ASPH: variants seen among roughly 807,000 people sequenced by gnomAD.
The protein encoded by ASPH is aspartyl/asparaginyl beta-hydroxylase.
Under a neutral mutation model 118.4 loss-of-function variants are expected in ASPH, and 100 were observed. The ratio of observed to expected loss-of-function variants is 0.84; its 90% CI spans 0.72 to 1.00. ASPH has a LOEUF of 1.00. Ranked by LOEUF, ASPH falls within the 50% of genes least tolerant of loss-of-function variation. ASPH has a pLI of 0.00. For synonymous variants in ASPH, 315 were observed against 325.6 expected (o/e 0.97, Z 0.35); for missense variants, 920 against 919.5 (o/e 1.00, Z -0.01).
chr8:61,526,179 T>C, intron 21 of ASPH, 67 bp from the exon 22 acceptor site: 1 of 1,578,122 alleles, frequency 6.3e-7, no homozygotes, highest in East Asian at 2.2e-5. Context: ...TAATGACTCT[T>C]GTTTTTTTTG....
At chr8:61,517,204 A>G (rs1811224004) in intron 24 of ASPH, 1 of 236,458 alleles carries the variant, frequency 4.2e-6, no homozygotes, top group Admixed American at 5.0e-5. Context: ...AGCACAATGC[A>G]TAACATCTGC....
intron 3 of ASPH, chr8:61,664,215 G>A: frequency 5.2e-6 from 5 of 968,582 alleles, no homozygotes; most frequent in Non-Finnish European, 3.7e-6. Flanking sequence ...TGTTTTCTAA[G>A]GTGCTAAATT....
intron 1 of ASPH, among the ~76,000 whole-genome samples, chr8:61,708,089 T>G (rs1473175808): frequency 1.3e-5 from 2 of 152,106 alleles, no homozygotes; most frequent in African/African-American, 4.8e-5. Flanking sequence ...GAGAGGAAAA[T>G]CTAGGAATCT....
At chr8:61,704,151 C>T (rs1205236688) in intron 1 of ASPH, among the ~76,000 whole-genome samples, 3 of 122,336 alleles carry the variant, frequency 2.5e-5, no homozygotes, top group Non-Finnish European at 3.2e-5. Context: ...GCCGAGATCC[C>T]GCCACTGCAC....
chr8:61,638,109 A>G, intron 11 of ASPH, 106 bp from the exon 12 acceptor site: 7 of 1,263,640 alleles, frequency 5.5e-6, no homozygotes, highest in Non-Finnish European at 7.7e-6. Flanking sequence ...GTGTCCACTC[A>G]GATTGCTAAA....
chr8:61,681,934 A>G (rs777103605), intron 2 of ASPH, among the ~76,000 whole-genome samples: 3 of 152,046 alleles, frequency 2.0e-5, no homozygotes, highest in Admixed American at 1.3e-4. Context: ...GAGAAACATA[A>G]TAATGTTAAT....
chr8:61,586,328 T>C (rs902733008), intron 14 of ASPH, among the ~76,000 whole-genome samples: 3 of 152,220 alleles, frequency 2.0e-5, no homozygotes, highest in African/African-American at 4.8e-5. Flanking sequence ...TCACGAAAAT[T>C]ATAAATCCAA....
Position 61,638,159 on chromosome 8 carries a change from T to C in ASPH, c.833-156A>G. 7 of 1,150,368 alleles carry C rather than the reference T, an allele frequency of 6.1e-6. No individual in the cohort carries two copies. The South Asian group carries it at 8.8e-5, about 14-fold the overall frequency. 71.3% of individuals were successfully genotyped at this position (1,150,368 alleles called of 1,614,324 possible). On this transcript the variant is annotated intron_variant, in intron 11 of 24. Coordinates refer to ENST00000379454, the MANE Select transcript of ASPH (RefSeq NM_004318.4). ...AACTGGGTCTTCTGCAGAGTATTTA[T>C]ATTAGAATATTAACTTTAATTTTGA... is the stretch of plus-strand genomic sequence containing the variant.
chr8:61,557,155 T>C (rs1828162642), intron 18 of ASPH, among the ~76,000 whole-genome samples: 2 of 152,200 alleles, frequency 1.3e-5, no homozygotes, highest in Non-Finnish European at 2.9e-5. Flanking sequence ...GCAGATCCTC[T>C]GCACACATGG....
rs146458870 is a variant in ASPH, at chr8:61,622,142, A to G, written c.935-3123T>C. 5.0e-3 allele frequency among the ~76,000 whole-genome samples: 754 copies of G among 152,302 alleles called. 8 individuals are homozygous for G. Among genetic ancestry groups the G allele is most frequent in the African/African-American group, 0.017 (704 of 41,560 alleles). ...ATCACAAGGTCAAGAGATCGAGACC[A>G]TCCTGGCCAACATGGTGAAACCCTG... On this transcript the variant is annotated intron_variant, in intron 13 of 24. Coordinates refer to ENST00000379454, the MANE Select transcript of ASPH (RefSeq NM_004318.4).
chr8:61,685,365 A>G (rs1322240433), intron 1 of ASPH, among the ~76,000 whole-genome samples: 1 of 152,182 alleles, frequency 6.6e-6, no homozygotes, highest in East Asian at 1.9e-4. Context: ...AGGAATAATT[A>G]TCTGTTTTAT....
At chr8:61,637,193 C>T (rs1189053438) in intron 12 of ASPH, among the ~76,000 whole-genome samples, 1 of 152,064 alleles carries the variant, frequency 6.6e-6, no homozygotes, top group Non-Finnish European at 1.5e-5. Flanking sequence ...AAAGCAGAGA[C>T]CCCATTCCCT....
chr8:61,655,098 T>G (rs1812955084), intron 3 of ASPH, among the ~76,000 whole-genome samples: 1 of 152,226 alleles, frequency 6.6e-6, no homozygotes, highest in African/African-American at 2.4e-5. Context: ...TCAAGTAATT[T>G]ATCTTTGCAC....
chr8:61,561,661 GC>G (rs1371818660), intron 18 of ASPH, among the ~76,000 whole-genome samples: 42 of 152,172 alleles, frequency 2.8e-4, no homozygotes, highest in African/African-American at 1.0e-3. Flanking sequence ...GATGACTTGT[GC>G]CTGTAATCCC....
intron 21 of ASPH, among the ~76,000 whole-genome samples, chr8:61,543,427 T>C (rs902852876): frequency 6.6e-6 from 1 of 152,220 alleles, no homozygotes; most frequent in Admixed American, 6.5e-5. Context: ...ACTTAAGATA[T>C]TGTACTTTAT....
chr8:61,511,313 T>C (rs933761928), intron 24 of ASPH, among the ~76,000 whole-genome samples: 1 of 152,222 alleles, frequency 6.6e-6, no homozygotes, highest in African/African-American at 2.4e-5. Flanking sequence ...CTAATGTAGA[T>C]GTGTGCTTTC....
chr8:61,599,294 G>T (rs1033167923), intron 14 of ASPH, among the ~76,000 whole-genome samples: 3 of 152,008 alleles, frequency 2.0e-5, no homozygotes, highest in Non-Finnish European at 4.4e-5. Context: ...CACAGGAAGG[G>T]GAACATCACA....
intron 13 of ASPH, among the ~76,000 whole-genome samples, chr8:61,626,855 C>A (rs1406043835): frequency 1.3e-5 from 2 of 149,150 alleles, no homozygotes; most frequent in Non-Finnish European, 3.0e-5. Flanking sequence ...TTTTTTTTTT[C>A]ATTCTTAACT....
Position 61,500,692 on chromosome 8 carries a change from A to G in ASPH, c.*2667T>C, listed in dbSNP as rs1586080389. On this transcript the variant is annotated 3_prime_UTR_variant, in exon 25 of 25. Coordinates refer to ENST00000379454, the MANE Select transcript of ASPH (RefSeq NM_004318.4). ...TACTTGTGCCATGTTTTCCAAGACC[A>G]GTGCATATTTTTAGACATCTCTTAT... The G allele has an allele frequency of 6.6e-6, 1 of 152,222 alleles. No homozygotes were observed. Among genetic ancestry groups the G allele is most frequent in the Non-Finnish European group, 1.5e-5 (1 of 68,040 alleles). The allele number at this position is 152,222 out of a possible 1,614,324, so 9.4% of individuals were successfully genotyped here.
Sources: allele counts gnomAD v4.1 joint callset (sites outside exome capture counted in the v4.1 genomes callset), GRCh38; gene constraint gnomAD v4.1.1; transcripts MANE v1.5; gene names NCBI Gene and HGNC (gene_info 2026-07-23, HGNC 2026-07-21).